Variants in SH2D3A observed in about 807,000 individuals in gnomAD.
SH2D3A encodes the protein SH2 domain containing 3A.
A neutral mutation model predicts 50.6 loss-of-function variants in SH2D3A; 46 were observed. The observed-to-expected ratio is 0.91, with a 90% CI of 0.72 to 1.16. The LOEUF is 1.16. SH2D3A is among the 50% of genes most tolerant of loss of function. The pLI is 0.00. For synonymous variants in SH2D3A, 377 were observed against 348.4 expected, an observed-to-expected ratio of 1.08 and a Z score of -0.91; for missense variants, 783 against 786.2, an observed-to-expected ratio of 1.00 and a Z score of 0.05.
At chr19:6,758,155 T>C (rs10406774) in intron 4 of SH2D3A, 3 of 151,842 alleles carry the variant, frequency 2.0e-5, no homozygotes, top group Non-Finnish European at 2.9e-5. Flanking sequence ...ATTTTATTTT[T>C]TTTTAGTAGA....
At chr19:6,759,755 C>T in intron 3 of SH2D3A, 85 bp from the exon 4 acceptor site, 9 of 1,379,894 alleles carry the variant, frequency 6.5e-6, no homozygotes, top group Non-Finnish European at 9.1e-6. Flanking sequence ...TGTCCAGTTA[C>T]TCTGTACCAG....
Position 6,752,273 on chromosome 19 carries a change from T to C in SH2D3A, c.*320A>G. ...CTCAAGCCTTCCTTCCGCCTCGGCC[T>C]CCCAAAGTGCTGAGATTACAGGCCT... On this transcript the variant is annotated 3_prime_UTR_variant, in exon 10 of 10. Transcript: ENST00000245908. 3.8e-6 allele frequency: 1 copy of C among 264,942 alleles called. No homozygotes were observed. The highest frequency in any genetic ancestry group is 1.7e-4 in the South Asian group (1 of 5,926). The allele number at this position is 264,942 out of a possible 1,614,324, so 16.4% of individuals were successfully genotyped here.
chr19:6,764,872 A>ATTTTTTTTTTT (rs55670461), intron 1 of SH2D3A, among the ~76,000 whole-genome samples: 2 of 103,128 alleles, frequency 1.9e-5, no homozygotes. Context: ...TACCTGGCTA[A>ATTTTTTTTTTT]TTTTTTTTTT....
At position 6,755,334 on chromosome 19, in the gene SH2D3A, G is replaced by T; in HGVS notation, c.497-19C>A. ...GAGGCTTCTAGAGGTCATACAAGAG[G>T]GGTCAATGGGAATACACAGGGAAGA... On this transcript the variant is annotated intron_variant, in intron 4 of 9. Transcript: ENST00000245908. 6.8e-7 allele frequency: 1 copy of T among 1,473,248 alleles called. No individual in the cohort carries two copies. The allele number at this position is 1,473,248 out of a possible 1,614,324, so 91.3% of individuals were successfully genotyped here. A position where few individuals can be genotyped will look rare whatever the true frequency, so the allele number is the denominator to read the frequency against.
intron 4 of SH2D3A, chr19:6,757,377 G>A (rs1056814478): frequency 2.7e-5 from 4 of 148,784 alleles, no homozygotes; most frequent in Non-Finnish European, 5.9e-5. Flanking sequence ...GAGTGCAATG[G>A]TGCGATCACG....
intron 9 of SH2D3A, chr19:6,753,234 A>G (rs1276319929): frequency 1.0e-6 from 1 of 985,244 alleles, no homozygotes; most frequent in Non-Finnish European, 1.2e-6. Flanking sequence ...TGGGGGCAGG[A>G]CAGCCCGTTT....
In SH2D3A at chr19:6,757,303, T is replaced by TTTC. The variant is rs1159208097; in HGVS notation, c.497-1991_497-1989dup. 2.0e-5 allele frequency: 3 copies of TTTC among 148,972 alleles called. No homozygotes were observed. The South Asian group carries it at 6.3e-4, about 31-fold the overall frequency. 9.2% of individuals were successfully genotyped at this position (148,972 alleles called of 1,614,324 possible). A position where few individuals can be genotyped will look rare whatever the true frequency, so the allele number is the denominator to read the frequency against. ...TGAGCCATTGCACCCAGCCCTTTCT[T>TTTC]TTCTTCTTCTTTTTTTTTTTTTTTT... On this transcript the variant is annotated intron_variant, in intron 4 of 9. Transcript: ENST00000245908.
At chr19:6,752,842 A>G in intron 9 of SH2D3A, 89 bp from the exon 10 acceptor site, 4 of 1,427,764 alleles carry the variant, frequency 2.8e-6, no homozygotes, top group Non-Finnish European at 3.7e-6. Context: ...TCCCCAGAGG[A>G]CTTTGACCCA....
intron 2 of SH2D3A, 69 bp from the exon 3 acceptor site, chr19:6,761,056 C>A: frequency 1.7e-6 from 2 of 1,196,132 alleles, no homozygotes; most frequent in East Asian, 2.5e-5. Flanking sequence ...GGTAGCTCCC[C>A]CCACCATTGC....
intron 4 of SH2D3A, chr19:6,759,279 A>G (rs1275855104): frequency 7.4e-6 from 2 of 268,548 alleles, no homozygotes; most frequent in East Asian, 1.2e-4. Flanking sequence ...ACGCTCGGCT[A>G]ATTTTGTGTT....
Position 6,752,658 on chromosome 19 carries a change from C to A in SH2D3A, c.1666G>T (p.Glu556Ter). The change falls in exon 10 of 10, where the codon GAA becomes TAA. Residue 556 changes from glutamate to a stop codon, truncating the protein, a stop_gained. Transcript: ENST00000245908. LOFTEE classifies it low-confidence loss of function (END_TRUNC). ...GSRGAGAPRA[E>*]RFEKFQRVLG... ...ACGCGCTGGAACTTCTCAAAGCGTT[C>A]AGCGCGCGGAGCTCCCGCGCCCCGG... is the stretch of plus-strand genomic sequence containing the variant. 6.4e-7 allele frequency: 1 copy of A among 1,555,668 alleles called. No homozygotes were observed.
intron 3 of SH2D3A, 111 bp downstream of exon 3, chr19:6,760,527 C>A: frequency 1.1e-6 from 1 of 930,504 alleles, no homozygotes; most frequent in Non-Finnish European, 1.6e-6. Context: ...CACTGCACTC[C>A]AGCCTGGGCA....
chr19:6,763,542 C>T (rs1051176738), intron 2 of SH2D3A, 138 bp downstream of exon 2: 2 of 630,154 alleles, frequency 3.2e-6, no homozygotes, highest in African/African-American at 1.9e-5. Flanking sequence ...AGCCAACCTT[C>T]AAGACAGTCC....
At position 6,753,009 on chromosome 19, in the gene SH2D3A, G is replaced by T; in HGVS notation, c.1571-256C>A. ...CTGTTCCAGGTGCCAGATCCTGGAG[G>T]TCCCGCCTTAGGGGCTGTGCCTGGA... is the stretch of plus-strand genomic sequence containing the variant. On this transcript the variant is annotated intron_variant, in intron 9 of 9. Transcript: ENST00000245908. 4 of 985,382 alleles carry T rather than the reference G, an allele frequency of 4.1e-6. No individual in the cohort carries two copies. In the African/African-American group the frequency reaches 7.0e-5, roughly 17 times the overall value. 61.0% of individuals were successfully genotyped at this position (985,382 alleles called of 1,614,324 possible). A position where few individuals can be genotyped will look rare whatever the true frequency, so the allele number is the denominator to read the frequency against.
intron 8 of SH2D3A, among the ~76,000 whole-genome samples, 193 bp from the exon 9 acceptor site, chr19:6,753,834 T>A (rs1399246619): frequency 6.7e-6 from 1 of 149,212 alleles, no homozygotes; most frequent in Non-Finnish European, 1.5e-5. Flanking sequence ...GGAAAGGGGC[T>A]GGGACCAAGG....
rs564598971 is a variant in SH2D3A at position 6,761,574 on chromosome 19, G to A, written c.70-587C>T. Among the ~76,000 whole-genome samples the A allele has an allele frequency of 1.4e-4, 21 of 152,296 alleles. No homozygotes were observed. In the East Asian group the frequency reaches 2.5e-3, roughly 18 times the overall value. The stretch of plus-strand genomic sequence containing the variant: ...GTGGCTTCAAGAGAAGCCATTAGCT[G>A]GATGCTTCCAGATTGGGGCCCCCTC... On this transcript the variant is annotated intron_variant, in intron 2 of 9. Transcript: ENST00000245908.
At chr19:6,760,243 G>A (rs1969933517) in intron 3 of SH2D3A, among the ~76,000 whole-genome samples, 1 of 152,190 alleles carries the variant, frequency 6.6e-6, no homozygotes, top group South Asian at 2.1e-4. Context: ...AGGCATGGTG[G>A]TGCACGCCTG....
At chr19:6,761,821 C>T (rs998629453) in intron 2 of SH2D3A, among the ~76,000 whole-genome samples, 1 of 151,962 alleles carries the variant, frequency 6.6e-6, no homozygotes, top group Admixed American at 6.6e-5. Flanking sequence ...TGGTGGTGTG[C>T]ACCTGTCATT....
At chr19:6,761,269 G>C (rs1222472482) in intron 2 of SH2D3A, 2 of 390,790 alleles carry the variant, frequency 5.1e-6, no homozygotes, top group Non-Finnish European at 9.3e-6. Flanking sequence ...ATCCAGACCT[G>C]GCGCATAAAA....
Sources: allele counts gnomAD v4.1 joint callset (sites outside exome capture counted in the v4.1 genomes callset), GRCh38; gene constraint gnomAD v4.1.1; transcripts MANE v1.5; gene names NCBI Gene and HGNC (gene_info 2026-07-23, HGNC 2026-07-21).